BRINP3: variants seen among roughly 807,000 people sequenced by gnomAD.
BRINP3 encodes the protein BMP/retinoic acid-inducible neural-specific protein 3.
A neutral mutation model predicts 71.0 loss-of-function variants in BRINP3; 19 were observed. The ratio of observed to expected loss-of-function variants is 0.27; its 90% CI spans 0.19 to 0.39. BRINP3 has a LOEUF of 0.39. Ranked by LOEUF, BRINP3 falls within the 10% of genes least tolerant of loss-of-function variation. The pLI is 1.00. For synonymous variants in BRINP3, 380 were observed against 337.7 expected (o/e 1.13, Z -1.37); for missense variants, 959 against 940.8 (o/e 1.02, Z -0.25).
intron 7 of BRINP3, among the ~76,000 whole-genome samples, chr1:190,138,492 G>C (rs1655160519): frequency 6.6e-6 from 1 of 152,234 alleles, no homozygotes; most frequent in Non-Finnish European, 1.5e-5. Context: ...AAAATGACTT[G>C]GTAGCTCATT....
chr1:190,104,803 T>A (rs1652004770), intron 7 of BRINP3, among the ~76,000 whole-genome samples: 1 of 152,104 alleles, frequency 6.6e-6, no homozygotes, highest in African/African-American at 2.4e-5. Context: ...CATGGTTAAA[T>A]CTGCTCTGAG....
intron 1 of BRINP3, among the ~76,000 whole-genome samples, chr1:190,459,492 C>G (rs749852924): frequency 1.3e-4 from 20 of 151,748 alleles, no homozygotes; most frequent in Middle Eastern, 3.5e-3. Context: ...AGAACTGAAA[C>G]TACAAAGATA....
intron 1 of BRINP3, among the ~76,000 whole-genome samples, chr1:190,472,812 TAC>T (rs67049979): frequency 7.3e-4 from 107 of 147,236 alleles, no homozygotes; most frequent in Middle Eastern, 3.4e-3. Context: ...TGGTAGAAAT[TAC>T]ACACACACAC....
intron 2 of BRINP3, among the ~76,000 whole-genome samples, chr1:190,419,754 T>A (rs1197754835): frequency 6.6e-6 from 1 of 151,174 alleles, no homozygotes; most frequent in Non-Finnish European, 1.5e-5. Flanking sequence ...ACACATTAAC[T>A]TTCTAAGAAA....
At chr1:190,475,038 T>C (rs1677411604) in intron 1 of BRINP3, among the ~76,000 whole-genome samples, 1 of 152,064 alleles carries the variant, frequency 6.6e-6, no homozygotes, top group South Asian at 2.1e-4. Flanking sequence ...TTCAACCTTA[T>C]ATTCCAAGCT....
chr1:190,316,734 C>T (rs1310353489), intron 2 of BRINP3, among the ~76,000 whole-genome samples: 1 of 152,034 alleles, frequency 6.6e-6, no homozygotes, highest in Non-Finnish European at 1.5e-5. Flanking sequence ...AATATTCATG[C>T]TGAATCTAAG....
chr1:190,317,085 T>A (rs1022702554), intron 2 of BRINP3, among the ~76,000 whole-genome samples: 1 of 146,194 alleles, frequency 6.8e-6, no homozygotes, highest in Non-Finnish European at 1.5e-5. Flanking sequence ...GATGGGAGAA[T>A]CACTTGAACC....
At chr1:190,397,569 A>C (rs1192806631) in intron 2 of BRINP3, among the ~76,000 whole-genome samples, 1 of 152,006 alleles carries the variant, frequency 6.6e-6, no homozygotes, top group African/African-American at 2.4e-5. Context: ...TACACTGAGA[A>C]TGCCTTGAAA....
chr1:190,386,985 C>T (rs1670952511), intron 2 of BRINP3, among the ~76,000 whole-genome samples: 1 of 151,916 alleles, frequency 6.6e-6, no homozygotes, highest in African/African-American at 2.4e-5. Flanking sequence ...CACCACCACA[C>T]CACCAAAAAA....
At chr1:190,161,247 T>A (rs1650914188) in intron 6 of BRINP3, among the ~76,000 whole-genome samples, 1 of 152,026 alleles carries the variant, frequency 6.6e-6, no homozygotes, top group Non-Finnish European at 1.5e-5. Flanking sequence ...ATCATTAATC[T>A]GACTTTCATT....
chr1:190,343,954 T>A (rs1029951617), intron 2 of BRINP3, among the ~76,000 whole-genome samples: 1 of 151,688 alleles, frequency 6.6e-6, no homozygotes, highest in African/African-American at 2.4e-5. Flanking sequence ...AATGTACTCA[T>A]AATATAAGGA....
At chr1:190,226,590 T>G (rs959413126) in intron 5 of BRINP3, among the ~76,000 whole-genome samples, 1 of 152,008 alleles carries the variant, frequency 6.6e-6, no homozygotes. Flanking sequence ...ATGTAATTTA[T>G]CACAATATTT....
intron 2 of BRINP3, among the ~76,000 whole-genome samples, chr1:190,393,639 CTAG>C (rs1671394532): frequency 1.3e-5 from 2 of 151,374 alleles, no homozygotes; most frequent in South Asian, 4.2e-4. Flanking sequence ...TTTTAATTGG[CTAG>C]TAAAATCATG....
At chr1:190,242,070 T>C (rs1659152273) in intron 4 of BRINP3, among the ~76,000 whole-genome samples, 1 of 151,842 alleles carries the variant, frequency 6.6e-6, no homozygotes, top group Non-Finnish European at 1.5e-5. Context: ...TTTTACCCAG[T>C]TGAAATATTT....
At chr1:190,116,209 T>C (rs376344856) in intron 7 of BRINP3, among the ~76,000 whole-genome samples, 7 of 152,244 alleles carry the variant, frequency 4.6e-5, no homozygotes, top group African/African-American at 1.7e-4. Flanking sequence ...ATGTAATTCC[T>C]GAAAAATACT....
At chr1:190,424,024 A>G (rs1673544580) in intron 2 of BRINP3, among the ~76,000 whole-genome samples, 1 of 151,646 alleles carries the variant, frequency 6.6e-6, no homozygotes, top group Admixed American at 6.6e-5. Context: ...AGTTCCACAC[A>G]TGGGACTTTT....
At chr1:190,191,148 G>T (rs1385924090) in intron 6 of BRINP3, among the ~76,000 whole-genome samples, 1 of 152,022 alleles carries the variant, frequency 6.6e-6, no homozygotes, top group African/African-American at 2.4e-5. Context: ...GTTTCAACAA[G>T]AAAAATAGTT....
At chr1:190,190,625 C>T (rs531797596) in intron 6 of BRINP3, among the ~76,000 whole-genome samples, 40 of 152,150 alleles carry the variant, frequency 2.6e-4, no homozygotes, top group Non-Finnish European at 1.0e-4. Flanking sequence ...GTAGAGCATA[C>T]TGATTCTTGC....
chr1:190,363,604 A>G (rs1002504013), intron 2 of BRINP3, among the ~76,000 whole-genome samples: 3 of 152,146 alleles, frequency 2.0e-5, no homozygotes, highest in Non-Finnish European at 4.4e-5. Context: ...TGAGATTTCA[A>G]GATTTCACGT....
Sources: gnomAD v4.1 joint callset for allele counts (sites outside exome capture counted in the v4.1 genomes callset) on GRCh38, gnomAD v4.1.1 for gene constraint, MANE v1.5 for transcripts, NCBI Gene and HGNC (gene_info 2026-07-23, HGNC 2026-07-21) for gene names.